Variants in AGAP1 observed in about 807,000 individuals in gnomAD.
AGAP1 encodes the protein ArfGAP with GTPase domain, ankyrin repeat and PH domain 1.
A neutral mutation model predicts 105.3 loss-of-function variants in AGAP1; 29 were observed. The ratio of observed to expected loss-of-function variants is 0.28; its 90% CI spans 0.21 to 0.38. The LOEUF (loss-of-function observed/expected upper bound fraction) is 0.38, where lower values mean the gene tolerates loss of function less well. AGAP1 is among the 10% of genes least tolerant of loss of function. The pLI, the probability that AGAP1 is intolerant of heterozygous loss-of-function variation, is 1.00. For synonymous variants in AGAP1, 509 were observed against 485.9 expected (o/e 1.05, Z -0.63); for missense variants, 998 against 1,165.1 (o/e 0.86, Z 2.09).
chr2:235,916,353 T>G (rs1409255961), intron 11 of AGAP1, among the ~76,000 whole-genome samples: 1 of 152,180 alleles, frequency 6.6e-6, no homozygotes, highest in Non-Finnish European at 1.5e-5. Context: ...TGGAGAATCT[T>G]CCCAACTTGA....
At chr2:235,563,307 A>G (rs1193419088) in intron 1 of AGAP1, among the ~76,000 whole-genome samples, 1 of 151,600 alleles carries the variant, frequency 6.6e-6, no homozygotes, top group African/African-American at 2.4e-5. Flanking sequence ...TGGTCCTTTT[A>G]TCACTGCTCT....
intron 1 of AGAP1, among the ~76,000 whole-genome samples, chr2:235,513,521 A>AG (rs1491170174): frequency 5.7e-5 from 2 of 35,074 alleles, no homozygotes; most frequent in Non-Finnish European, 9.0e-5. Context: ...ACTCCGTCTC[A>AG]GAAAAAAAAA....
intron 1 of AGAP1, among the ~76,000 whole-genome samples, chr2:235,649,717 G>A (rs957034915): frequency 6.6e-6 from 1 of 152,208 alleles, no homozygotes; most frequent in Non-Finnish European, 1.5e-5. Flanking sequence ...TGCTGATGCT[G>A]CTTGTCTGGG....
rs1945644411 is a variant in AGAP1 at position 235,599,177 on chromosome 2, T to C, written c.163+104328T>C. ...CAACAAAGAAATTTCTAGCTGCTTGTAGAAGACACCCCAGGGTACGCAGCC... is the reference window on the plus strand; with the variant it reads ...CAACAAAGAAATTTCTAGCTGCTTGCAGAAGACACCCCAGGGTACGCAGCC... On this transcript the variant is annotated intron_variant, in intron 1 of 17. Transcript: ENST00000304032. This position sits in a 1 kb window ranked among gnomAD's most constrained non-coding sequence, Gnocchi z 5.3. Among the ~76,000 whole-genome samples, 1 of 152,198 alleles carries C rather than the reference T, an allele frequency of 6.6e-6. No individual in the cohort carries two copies.
rs575878188 is a variant in AGAP1 at position 235,714,227 on chromosome 2, T to G, written c.223-3330T>G. ...GACAGGGTTTCACCATGTTGGCCAGTCTGGTCTTGAACTCCTGACCTCAGG... is the reference window on the plus strand; with the variant it reads ...GACAGGGTTTCACCATGTTGGCCAGGCTGGTCTTGAACTCCTGACCTCAGG... On this transcript the variant is annotated intron_variant, in intron 2 of 17. Transcript: ENST00000304032. This position sits in a 1 kb window ranked among gnomAD's most constrained non-coding sequence, Gnocchi z 4.1. Among the ~76,000 whole-genome samples the G allele has an allele frequency of 1.3e-5, 2 of 151,984 alleles. No individual in the cohort carries two copies. The highest frequency in any genetic ancestry group is 2.9e-5 in the Non-Finnish European group (2 of 67,962).
rs79142678 is a variant in AGAP1, at chr2:235,787,137, T to A, written c.674-10622T>A. On this transcript the variant is annotated intron_variant, in intron 6 of 17. Transcript: ENST00000304032. This position sits in a 1 kb window ranked among gnomAD's most constrained non-coding sequence, Gnocchi z 4.4. ...AGTGGGCTCCGGTTCTCACTTCTTG[T>A]CTTTGAGTTCTCAGGCTTCTCCCCT... Among the ~76,000 whole-genome samples, 2,700 of 152,284 alleles carry A rather than the reference T, an allele frequency of 0.018. 47 individuals are homozygous for A. Among genetic ancestry groups the A allele is most frequent in the Non-Finnish European group, 0.026 (1,737 of 68,018 alleles).
Position 236,049,271 on chromosome 2 carries a change from G to A in AGAP1, c.2104G>A (p.Asp702Asn), listed in dbSNP as rs772026339. 6 of 1,613,928 alleles carry A rather than the reference G, an allele frequency of 3.7e-6. No homozygotes were observed. The Admixed American group carries it at 1.0e-4, about 27-fold the overall frequency. The change falls in exon 16 of 18, where the codon GAC becomes AAC. Residue 702 changes from aspartate (D) to asparagine (N), a missense_variant. Physicochemically the swap from Asp to Asn is conservative, Grantham distance 23 (BLOSUM62 1). Transcript: ENST00000304032. ...CCAGGGGCGGACGAAACCATCGGTAGACTCCACAAGGTAGGAACTTTGGAA... is the reference window on the plus strand; with the variant it reads ...CCAGGGGCGGACGAAACCATCGGTAAACTCCACAAGGTAGGAACTTTGGAA... ...SSQGRTKPSV[D>N]STREEKERWI...
rs895461470 is a variant in AGAP1, at chr2:235,887,088, C to T, written c.1155+3639C>T. 1.3e-5 allele frequency among the ~76,000 whole-genome samples: 2 copies of T among 152,062 alleles called. No homozygotes were observed. The highest frequency in any genetic ancestry group is 6.6e-5 in the Admixed American group (1 of 15,264). On this transcript the variant is annotated intron_variant, in intron 10 of 17. Coordinates refer to ENST00000304032, the MANE Select transcript of AGAP1 (RefSeq NM_001037131.3). This position sits in a 1 kb window ranked among gnomAD's most constrained non-coding sequence, Gnocchi z 4.1. Reference sequence around the variant, plus strand: ...CAAAATTTTACACCGTGAGAGTGACCCAGTTATCTCAGTCTGGAAAATTTC... The same window carrying T: ...CAAAATTTTACACCGTGAGAGTGACTCAGTTATCTCAGTCTGGAAAATTTC...
intron 9 of AGAP1, among the ~76,000 whole-genome samples, chr2:235,850,419 T>TCCTTGGTCC (rs929479425): frequency 1.3e-5 from 2 of 152,240 alleles, no homozygotes; most frequent in Non-Finnish European, 2.9e-5. Flanking sequence ...TGATGTGGTC[T>TCCTTGGTCC]CCTTGGTCCC....
rs2052651900 is a variant in AGAP1 at position 235,930,170 on chromosome 2, G to A, written c.1325-595G>A. On this transcript the variant is annotated intron_variant, in intron 11 of 17. Transcript: ENST00000304032. This position sits in a 1 kb window ranked among gnomAD's most constrained non-coding sequence, Gnocchi z 7.9. ...CATCACAGCCCCTGTGCTCTATGAA[G>A]TCACGCAGGTTGTTTTTCCTCTGCT... Among the ~76,000 whole-genome samples the A allele has an allele frequency of 6.6e-6, 1 of 152,148 alleles. No individual in the cohort carries two copies. The highest frequency in any genetic ancestry group is 1.5e-5 in the Non-Finnish European group (1 of 68,006).
intron 1 of AGAP1, among the ~76,000 whole-genome samples, chr2:235,511,834 GTGAA>G (rs1309984195): frequency 6.6e-6 from 1 of 151,924 alleles, no homozygotes; most frequent in East Asian, 1.9e-4. Flanking sequence ...GAATGTGTGT[GTGAA>G]TGTATGAGTG....
chr2:236,048,380 C>T (rs1268759413), intron 15 of AGAP1, among the ~76,000 whole-genome samples: 1 of 152,216 alleles, frequency 6.6e-6, no homozygotes, highest in Non-Finnish European at 1.5e-5. Flanking sequence ...CAGCCCAAAG[C>T]CTGTCACCAT....
At chr2:235,606,855 AG>A (rs1482978633) in intron 1 of AGAP1, among the ~76,000 whole-genome samples, 2 of 143,600 alleles carry the variant, frequency 1.4e-5, no homozygotes, top group Non-Finnish European at 3.0e-5. Flanking sequence ...AGGCTGAGGC[AG>A]GGGGATCGCT....
rs554610312 is a variant in AGAP1 at position 235,569,106 on chromosome 2, G to A, written c.163+74257G>A. On this transcript the variant is annotated intron_variant, in intron 1 of 17. Coordinates refer to ENST00000304032, the MANE Select transcript of AGAP1 (RefSeq NM_001037131.3). This position sits in a 1 kb window ranked among gnomAD's most constrained non-coding sequence, Gnocchi z 5.9. ...GGACCCATGATTCAGTTTCCCTCAC[G>A]TTGTCAGAGACCATCCTGGCCAACA... Among the ~76,000 whole-genome samples the A allele has an allele frequency of 6.6e-6, 1 of 152,310 alleles. No homozygotes were observed. The highest frequency in any genetic ancestry group is 6.5e-5 in the Admixed American group (1 of 15,308).
intron 16 of AGAP1, among the ~76,000 whole-genome samples, chr2:236,081,798 C>G (rs1286076481): frequency 1.3e-5 from 2 of 151,806 alleles, no homozygotes; most frequent in Non-Finnish European, 2.9e-5. Flanking sequence ...TGTCATTATC[C>G]AGAAAAGCTG....
At position 236,044,148 on chromosome 2, in the gene AGAP1, G is replaced by A. The variant is rs998689461; in HGVS notation, c.1891+3307G>A. 2.0e-5 allele frequency among the ~76,000 whole-genome samples: 3 copies of A among 152,250 alleles called. No homozygotes were observed. Among genetic ancestry groups the A allele is most frequent in the Admixed American group, 1.3e-4 (2 of 15,294 alleles). On this transcript the variant is annotated intron_variant, in intron 15 of 17. Transcript: ENST00000304032. The surrounding 1 kb of genome is among the most constrained non-coding windows in gnomAD (Gnocchi z 5.7). ...ATTTGGGAAACTCTTAACAACGTCC[G>A]ACTCCCAGGAAGTTGCAGCCTTCGG...
chr2:236,089,925 G>A lies in AGAP1; in HGVS notation c.2115-30267G>A, dbSNP rs372490550. 3.9e-3 allele frequency among the ~76,000 whole-genome samples: 593 copies of A among 151,482 alleles called. 5 individuals are homozygous for A. The highest frequency in any genetic ancestry group is 6.7e-3 in the Non-Finnish European group (456 of 67,898). On this transcript the variant is annotated intron_variant, in intron 16 of 17. Transcript: ENST00000304032. This position sits in a 1 kb window ranked among gnomAD's most constrained non-coding sequence, Gnocchi z 5.6. The stretch of plus-strand genomic sequence containing the variant: ...TTTTCAGGAGTTAGTCACTCAAGTC[G>A]TACTTATAACTAGGTTGGAAAAAAA...
intron 9 of AGAP1, among the ~76,000 whole-genome samples, chr2:235,858,542 A>G (rs2048782211): frequency 6.6e-6 from 1 of 152,226 alleles, no homozygotes; most frequent in East Asian, 1.9e-4. Context: ...AAAACCATAC[A>G]GAATTTAGGA....
intron 13 of AGAP1, among the ~76,000 whole-genome samples, chr2:235,974,229 A>G (rs2054768830): frequency 6.6e-6 from 1 of 152,138 alleles, no homozygotes; most frequent in South Asian, 2.1e-4. Context: ...TCTGCCTCAA[A>G]CTCTTTCCAC....
Sources: gnomAD v4.1 joint callset for allele counts (sites outside exome capture counted in the v4.1 genomes callset) on GRCh38, gnomAD v4.1.1 for gene constraint, Gnocchi (gnomAD v3.1) non-coding constraint, MANE v1.5 for transcripts, NCBI Gene and HGNC (gene_info 2026-07-23, HGNC 2026-07-21) for gene names.